Variants in CNNM1 observed in about 807,000 individuals in gnomAD.
CNNM1 encodes the protein cyclin and CBS domain divalent metal cation transport mediator 1.
A neutral mutation model predicts 78.8 loss-of-function variants in CNNM1; 44 were observed. That is an observed-to-expected ratio of 0.56 (90% CI 0.44 to 0.72). CNNM1 has a LOEUF of 0.72. Among genes scored for constraint, CNNM1 ranks in the 30% least tolerant of loss-of-function variants. The pLI is 0.00. For missense variants in CNNM1, 1,101 were observed against 1,292.2 expected (o/e 0.85, Z 2.27); for synonymous variants, 584 against 581.5 (o/e 1.00, Z -0.06).
At chr10:99,338,203 T>G (rs1261585391) in intron 1 of CNNM1, among the ~76,000 whole-genome samples, 1 of 152,090 alleles carries the variant, frequency 6.6e-6, no homozygotes, top group Admixed American at 6.6e-5. Context: ...AAGACAGACC[T>G]TGGTACATAA....
chr10:99,381,940 G>A (rs1363816733), intron 7 of CNNM1, among the ~76,000 whole-genome samples: 1 of 151,686 alleles, frequency 6.6e-6, no homozygotes, highest in Non-Finnish European at 1.5e-5. Context: ...TGATTAGACT[G>A]TGTTAGGGAC....
chr10:99,340,004 A>C (rs911835137), intron 1 of CNNM1, among the ~76,000 whole-genome samples: 4 of 152,240 alleles, frequency 2.6e-5, no homozygotes, highest in Non-Finnish European at 1.5e-5. Context: ...AAATGTGTTA[A>C]ATGTTGCTAA....
At chr10:99,356,516 G>T (rs2031160518) in intron 1 of CNNM1, among the ~76,000 whole-genome samples, 1 of 123,536 alleles carries the variant, frequency 8.1e-6, no homozygotes, top group Non-Finnish European at 1.8e-5. Context: ...GAGAGAAAGA[G>T]AAAGAGAGAA....
intron 9 of CNNM1, 95 bp downstream of exon 9, chr10:99,388,396 GA>G: frequency 7.0e-7 from 1 of 1,433,664 alleles, no homozygotes; most frequent in Non-Finnish European, 9.4e-7. Flanking sequence ...GGAGCCCTGG[GA>G]CCGCAGCCCG....
chr10:99,331,596 G>T (rs1233023798), intron 1 of CNNM1, among the ~76,000 whole-genome samples: 1 of 152,200 alleles, frequency 6.6e-6, no homozygotes, highest in Non-Finnish European at 1.5e-5. Context: ...GCCGGGCGCG[G>T]CGGCTCATGC....
rs574991802 is a variant in CNNM1 at position 99,330,060 on chromosome 10, C to T, written c.673C>T (p.Arg225Trp). 328 of 1,514,154 alleles carry T rather than the reference C, an allele frequency of 2.2e-4. 4 individuals carry two copies. Among genetic ancestry groups the T allele is most frequent in the Non-Finnish European group, 2.4e-5 (27 of 1,141,080 alleles). 93.8% of individuals were successfully genotyped at this position (1,514,154 alleles called of 1,614,324 possible). Residue 225 changes from arginine to tryptophan, a missense_variant, in exon 1 of 11, where the codon CGG (arginine) becomes TGG (tryptophan). Arg to Trp is a moderately radical substitution (Grantham distance 101, BLOSUM62 -3). This residue lies in a region of CNNM1 where 476 missense variants were observed against 484.5 expected (regional missense o/e 0.98). Transcript: ENST00000356713. ...GGDLLPPAWL[R>W]ALGALLLLAL... is the part of the protein sequence containing the mutation. ...GGACCTGCTGCCCCCTGCGTGGCTG[C>T]GGGCGCTCGGGGCGCTCCTGCTGCT...
At chr10:99,340,660 T>TA (rs1422690768) in intron 1 of CNNM1, among the ~76,000 whole-genome samples, 2 of 152,094 alleles carry the variant, frequency 1.3e-5, no homozygotes, top group Non-Finnish European at 2.9e-5. Context: ...TTGCTACTGT[T>TA]ATATTCCTTT....
intron 1 of CNNM1, among the ~76,000 whole-genome samples, chr10:99,348,054 T>A (rs199522279): frequency 1.9e-4 from 26 of 135,860 alleles, no homozygotes; most frequent in East Asian, 1.2e-3. Context: ...ATATATATTT[T>A]TTTTTTTTGA....
chr10:99,337,646 C>T lies in CNNM1; in HGVS notation c.1573+6686C>T, dbSNP rs1415855102. On this transcript the variant is annotated intron_variant, in intron 1 of 10. Coordinates refer to ENST00000356713, the MANE Select transcript of CNNM1 (RefSeq NM_020348.3). Reference sequence around the variant, plus strand: ...GTGCATATCTCAATCATTGAACTAACAAGCTGTACTACCAGTGTTTGTTTA... The same window carrying T: ...GTGCATATCTCAATCATTGAACTAATAAGCTGTACTACCAGTGTTTGTTTA... 4.6e-5 allele frequency among the ~76,000 whole-genome samples: 7 copies of T among 152,338 alleles called. No individual in the cohort carries two copies. In the East Asian group the frequency reaches 1.2e-3, roughly 25 times the overall value.
chr10:99,356,567 A>AGAAAGAAAGAAAAG (rs2031192931), intron 1 of CNNM1, among the ~76,000 whole-genome samples: 1 of 104,906 alleles, frequency 9.5e-6, no homozygotes, highest in Non-Finnish European at 2.0e-5. Context: ...ACAGACAGAA[A>AGAAAGAAAGAAAAG]GAAAGAAAGA....
At chr10:99,363,901 C>T (rs1484695077) in intron 4 of CNNM1, among the ~76,000 whole-genome samples, 3 of 152,156 alleles carry the variant, frequency 2.0e-5, no homozygotes, top group Non-Finnish European at 2.9e-5. Flanking sequence ...TGCACCACCA[C>T]ACCCAGCTAA....
chr10:99,330,760 G>T lies in CNNM1; in HGVS notation c.1373G>T (p.Arg458Leu), dbSNP rs1564935129. The change falls in exon 1 of 11, where the codon CGC (arginine) becomes CTC (leucine). Residue 458 changes from arginine to leucine, a missense_variant. Coordinates refer to ENST00000356713, the MANE Select transcript of CNNM1 (RefSeq NM_020348.3). ...TTCGCCACTGTCTCCGAGATCCTGC[G>T]CAGCGGCTACACTCGCATCCCAGTG... ...LDFATVSEIL[R>L]SGYTRIPVYE... The T allele has an allele frequency of 3.1e-6, 5 of 1,614,058 alleles. No individual in the cohort carries two copies. Among genetic ancestry groups the T allele is most frequent in the Admixed American group, 1.7e-5 (1 of 60,012 alleles).
intron 6 of CNNM1, among the ~76,000 whole-genome samples, chr10:99,366,160 G>T (rs2031611717): frequency 6.6e-6 from 1 of 152,202 alleles, no homozygotes; most frequent in African/African-American, 2.4e-5. Context: ...AGTTGGAGGA[G>T]ATCTGTAAAA....
intron 9 of CNNM1, among the ~76,000 whole-genome samples, chr10:99,388,566 G>A (rs4917862): frequency 0.33 from 50,660 of 152,128 alleles, 12,877 homozygotes; most frequent in African/African-American, 0.71. Context: ...TGGCTCCTTC[G>A]TTTAGGAGTT....
chr10:99,389,880 CAG>C (rs1186570954), intron 9 of CNNM1, among the ~76,000 whole-genome samples: 1 of 152,166 alleles, frequency 6.6e-6, no homozygotes, highest in Non-Finnish European at 1.5e-5. Flanking sequence ...CGGGAGAAGA[CAG>C]GGGCATTGTT....
chr10:99,351,761 C>A (rs1207278533), intron 1 of CNNM1, among the ~76,000 whole-genome samples: 4 of 152,162 alleles, frequency 2.6e-5, no homozygotes, highest in Non-Finnish European at 4.4e-5. Flanking sequence ...CTCCACACAT[C>A]CTAGAGCACA....
chr10:99,381,422 A>AG (rs1315021522), intron 7 of CNNM1, among the ~76,000 whole-genome samples: 1 of 151,206 alleles, frequency 6.6e-6, no homozygotes, highest in East Asian at 1.9e-4. Context: ...AAAAAAAAAA[A>AG]AAAGGAAAAA....
At chr10:99,356,104 C>T (rs1199453308) in intron 1 of CNNM1, among the ~76,000 whole-genome samples, 5 of 152,220 alleles carry the variant, frequency 3.3e-5, no homozygotes, top group Admixed American at 6.5e-5. Context: ...AGAAGTACAG[C>T]GGGAATGGCT....
chr10:99,373,135 T>C (rs1020299836), intron 6 of CNNM1, among the ~76,000 whole-genome samples: 6 of 152,116 alleles, frequency 3.9e-5, no homozygotes, highest in Admixed American at 2.6e-4. Context: ...CTTCCACGGA[T>C]GGAAGGAGTT....
Sources: gnomAD v4.1 joint callset for allele counts (sites outside exome capture counted in the v4.1 genomes callset) on GRCh38, gnomAD v4.1.1 for gene constraint, gnomAD v4.1.1 regional missense constraint, MANE v1.5 for transcripts, NCBI Gene and HGNC (gene_info 2026-07-23, HGNC 2026-07-21) for gene names.